The following ADCY2 variants were observed in gnomAD, a reference collection of about 807,000 sequenced individuals.
ADCY2 encodes adenylate cyclase type 2.
A neutral mutation model predicts 125.2 loss-of-function variants in ADCY2; 31 were observed. The ratio of observed to expected loss-of-function variants is 0.25; its 90% confidence interval spans 0.19 to 0.33. The LOEUF (loss-of-function observed/expected upper bound fraction) is 0.33. ADCY2 is among the 10% of genes least tolerant of loss of function. The pLI is 1.00. For missense variants in ADCY2, 904 were observed against 1,418.2 expected, an observed-to-expected ratio of 0.64 and a Z score of 5.82; for synonymous variants, 512 against 548.4, an observed-to-expected ratio of 0.93 and a Z score of 0.93.
chr5:7,745,746 T>A lies in ADCY2; in HGVS notation c.1956+1994T>A, dbSNP rs143699655. 9.4e-3 allele frequency among the ~76,000 whole-genome samples: 1,430 copies of A among 152,286 alleles called. 7 individuals carry two copies. Among genetic ancestry groups the A allele is most frequent in the Admixed American group, 0.016 (240 of 15,304 alleles). On this transcript the variant is annotated intron_variant, in intron 15 of 24. Transcript: ENST00000338316. ...AAATCCCAACCTAGTTCTAATTAAG[T>A]CAGTTCAGATCATTGTGACTAACTA...
chr5:7,508,986 T>C (rs1326810163), intron 2 of ADCY2, among the ~76,000 whole-genome samples: 2 of 152,238 alleles, frequency 1.3e-5, no homozygotes, highest in Non-Finnish European at 2.9e-5. Context: ...CATAAGACAG[T>C]CATTTGTTAA....
At chr5:7,731,262 T>A (rs1742095878) in intron 14 of ADCY2, among the ~76,000 whole-genome samples, 1 of 151,544 alleles carries the variant, frequency 6.6e-6, no homozygotes, top group Non-Finnish European at 1.5e-5. Context: ...GATTTTTTTT[T>A]TTTTTTTTGA....
chr5:7,690,954 G>A lies in ADCY2; in HGVS notation c.869+115G>A, dbSNP rs79811295. On this transcript the variant is annotated intron_variant, in intron 5 of 24. Transcript: ENST00000338316. ...TCTCCTTTGTGACAGTGGATCCTTT[G>A]CAGGGGAAATAATCACACAGATTCT... 3.7e-3 allele frequency: 4,591 copies of A among 1,226,550 alleles called. 17 individuals carry two copies. Among genetic ancestry groups the A allele is most frequent in the Non-Finnish European group, 4.7e-3 (4,328 of 923,850 alleles). 76.0% of individuals were successfully genotyped at this position (1,226,550 alleles called of 1,614,324 possible).
chr5:7,773,484 C>T (rs543205584), intron 18 of ADCY2, among the ~76,000 whole-genome samples: 4 of 152,268 alleles, frequency 2.6e-5, no homozygotes, highest in Admixed American at 1.3e-4. Context: ...CCTTTACCCA[C>T]TGAATGCCAG....
intron 20 of ADCY2, among the ~76,000 whole-genome samples, chr5:7,791,060 G>A (rs974920722): frequency 1.3e-5 from 2 of 151,980 alleles, no homozygotes; most frequent in Admixed American, 1.3e-4. Flanking sequence ...TTGGGGGGGT[G>A]TCTATTCTGA....
intron 12 of ADCY2, among the ~76,000 whole-genome samples, chr5:7,720,162 C>T (rs995491694): frequency 6.6e-6 from 1 of 152,106 alleles, no homozygotes; most frequent in African/African-American, 2.4e-5. Flanking sequence ...ATTCCCTCTC[C>T]CTTCTCTCCT....
chr5:7,499,699 A>G lies in ADCY2; in HGVS notation c.409-21039A>G, dbSNP rs28411967. 5.1e-4 allele frequency among the ~76,000 whole-genome samples: 74 copies of G among 144,426 alleles called. 1 individual carries two copies. The highest frequency in any genetic ancestry group is 2.8e-3 in the Admixed American group (40 of 14,502). 94.7% of individuals were successfully genotyped at this position (144,426 alleles called of 152,430 possible). A position where few individuals can be genotyped will look rare whatever the true frequency, so the allele number is the denominator to read the frequency against. On this transcript the variant is annotated intron_variant, in intron 2 of 24. Transcript: ENST00000338316. ...TATATATATGTATATATATGTGTAT[A>G]TATATGTATATATATGTATATATAT...
At chr5:7,509,166 C>T (rs1743962060) in intron 2 of ADCY2, among the ~76,000 whole-genome samples, 1 of 152,158 alleles carries the variant, frequency 6.6e-6, no homozygotes, top group South Asian at 2.1e-4. Flanking sequence ...GAGCAGGGAG[C>T]TTGTGCTATC....
intron 12 of ADCY2, among the ~76,000 whole-genome samples, chr5:7,717,747 T>C (rs968826578): frequency 6.6e-6 from 1 of 152,226 alleles, no homozygotes; most frequent in Non-Finnish European, 1.5e-5. Flanking sequence ...CGGTTTTAAA[T>C]GGTCCAGAGT....
At chr5:7,765,739 A>G (rs796607478) in intron 16 of ADCY2, among the ~76,000 whole-genome samples, 7 of 152,334 alleles carry the variant, frequency 4.6e-5, no homozygotes, top group African/African-American at 1.7e-4. Context: ...TGTATGGTTA[A>G]CCCTATGCAG....
intron 3 of ADCY2, among the ~76,000 whole-genome samples, chr5:7,523,382 A>G (rs1173024057): frequency 2.0e-5 from 3 of 152,120 alleles, no homozygotes; most frequent in African/African-American, 7.2e-5. Context: ...TCAAAAACCG[A>G]CAAAGAAAAA....
At chr5:7,660,487 A>G (rs910703152) in intron 4 of ADCY2, among the ~76,000 whole-genome samples, 1 of 152,148 alleles carries the variant, frequency 6.6e-6, no homozygotes, top group Non-Finnish European at 1.5e-5. Flanking sequence ...TATATAGAGA[A>G]GGAAATTTAC....
rs1303764858 is a variant in ADCY2 at position 7,396,813 on chromosome 5, T to C, written c.210+307T>C. On this transcript the variant is annotated intron_variant, in intron 1 of 24. Coordinates refer to ENST00000338316, the MANE Select transcript of ADCY2 (RefSeq NM_020546.3). This position sits in a 1 kb window ranked among gnomAD's most constrained non-coding sequence, Gnocchi z 5.7. Reference sequence around the variant, plus strand: ...CATCTTTGCGCACCCGCTGGCAAACTCTGCGCTTTCCGCCGGGCACCGCTG... The same window carrying C: ...CATCTTTGCGCACCCGCTGGCAAACCCTGCGCTTTCCGCCGGGCACCGCTG... 3.3e-5 allele frequency among the ~76,000 whole-genome samples: 5 copies of C among 152,298 alleles called. No individual in the cohort carries two copies. In the South Asian group the frequency reaches 6.2e-4, roughly 19 times the overall value.
chr5:7,559,905 G>T (rs546951221), intron 3 of ADCY2, among the ~76,000 whole-genome samples: 92 of 152,330 alleles, frequency 6.0e-4, no homozygotes, highest in African/African-American at 2.1e-3. Flanking sequence ...GTTATACCTG[G>T]AAAGAGTAGT....
intron 22 of ADCY2, among the ~76,000 whole-genome samples, chr5:7,813,531 G>A (rs1405033268): frequency 6.6e-6 from 1 of 152,112 alleles, no homozygotes; most frequent in Non-Finnish European, 1.5e-5. Flanking sequence ...AAATAGCTGG[G>A]GATATGTAAC....
intron 2 of ADCY2, among the ~76,000 whole-genome samples, chr5:7,504,565 TTCTTA>T (rs985770942): frequency 6.6e-6 from 1 of 152,110 alleles, no homozygotes. Context: ...GTACCATTTT[TTCTTA>T]TCTTTGAAGT....
intron 18 of ADCY2, among the ~76,000 whole-genome samples, chr5:7,775,394 ATTGT>A (rs1436651040): frequency 1.3e-5 from 2 of 149,198 alleles, no homozygotes; most frequent in Admixed American, 6.7e-5. Flanking sequence ...TTTAGTTTTG[ATTGT>A]TTGTTTGTTT....
At chr5:7,814,582 T>C (rs1404173389) in intron 22 of ADCY2, among the ~76,000 whole-genome samples, 2 of 152,180 alleles carry the variant, frequency 1.3e-5, no homozygotes, top group Non-Finnish European at 2.9e-5. Flanking sequence ...TATTAAACAC[T>C]GTGTGGAGCA....
chr5:7,598,967 C>T (rs928201717), intron 3 of ADCY2, among the ~76,000 whole-genome samples: 1 of 152,228 alleles, frequency 6.6e-6, no homozygotes, highest in African/African-American at 2.4e-5. Context: ...GATCTGGGAG[C>T]TGCTCATTGC....
Sources: gnomAD v4.1 joint callset for allele counts (sites outside exome capture counted in the v4.1 genomes callset) on GRCh38, gnomAD v4.1.1 for gene constraint, Gnocchi (gnomAD v3.1) non-coding constraint, MANE v1.5 for transcripts, NCBI Gene and HGNC (gene_info 2026-07-23, HGNC 2026-07-21) for gene names.